Variants in PNOC observed in about 807,000 individuals in gnomAD.
PNOC encodes the protein prepronociceptin, also known as nociceptin.
In PNOC, 10 loss-of-function variants were observed where a neutral mutation model predicts 15.6. That is an observed-to-expected ratio of 0.64 (90% CI 0.40 to 1.09). The LOEUF (loss-of-function observed/expected upper bound fraction) is 1.09, where lower values mean the gene tolerates loss of function less well. PNOC is among the 50% of genes least tolerant of loss of function. The pLI, the probability that PNOC is intolerant of heterozygous loss-of-function variation, is 0.01. For synonymous variants in PNOC, 98 were observed against 88.5 expected (o/e 1.11, Z -0.60); for missense variants, 220 against 223.9 (o/e 0.98, Z 0.11).
intron 2 of PNOC, among the ~76,000 whole-genome samples, chr8:28,332,762 CCAA>C (rs1366577433): frequency 6.6e-6 from 1 of 152,108 alleles, no homozygotes; most frequent in African/African-American, 2.4e-5. Context: ...ACCAGCCTGG[CCAA>C]CAAGGCGAAA....
chr8:28,327,619 T>A (rs1801247060), intron 1 of PNOC, among the ~76,000 whole-genome samples: 1 of 149,600 alleles, frequency 6.7e-6, no homozygotes, highest in Non-Finnish European at 1.5e-5. Context: ...CAAGCTGGAG[T>A]GCAGTGGCGT....
chr8:28,317,395 C>T (rs1337979258), intron 1 of PNOC, 79 bp downstream of exon 1: 2 of 152,352 alleles, frequency 1.3e-5, no homozygotes, highest in African/African-American at 2.4e-5. Context: ...GGCAGGGCCA[C>T]CAGGGGCTGG....
At chr8:28,321,717 A>G (rs143612809) in intron 1 of PNOC, among the ~76,000 whole-genome samples, 1 of 152,326 alleles carries the variant, frequency 6.6e-6, no homozygotes, top group Non-Finnish European at 1.5e-5. Context: ...GAGCCAGACT[A>G]GAAGCCAGGA....
In PNOC at chr8:28,339,183, G is replaced by A. The variant is rs749966480; in HGVS notation, c.270G>A (p.Ser90=). The A allele has an allele frequency of 6.8e-6, 11 of 1,613,444 alleles. No homozygotes were observed. Among genetic ancestry groups the A allele is most frequent in the African/African-American group, 6.7e-5 (5 of 74,904 alleles). The change falls in exon 3 of 4, where the codon TCG becomes TCA. Residue 90 remains serine, a synonymous_variant. Transcript: ENST00000301908. ...VAAALYQPRA[S]EMQHLRRMPR... is the part of the protein sequence containing the mutation. ...CTGCTCTCTACCAGCCGAGAGCTTCGGAGATGCAGCATCTGCGGCGAATGC... is the reference window on the plus strand; with the variant it reads ...CTGCTCTCTACCAGCCGAGAGCTTCAGAGATGCAGCATCTGCGGCGAATGC...
intron 3 of PNOC, among the ~76,000 whole-genome samples, chr8:28,340,398 C>A (rs1463045134): frequency 6.6e-6 from 1 of 152,190 alleles, no homozygotes; most frequent in Non-Finnish European, 1.5e-5. Context: ...ATTGCCTGTT[C>A]ATTCAAAACC....
intron 2 of PNOC, among the ~76,000 whole-genome samples, chr8:28,335,679 C>T (rs565277721): frequency 1.5e-4 from 23 of 152,232 alleles, no homozygotes; most frequent in African/African-American, 5.1e-4. Flanking sequence ...AGGCATGCAC[C>T]ACCACGCCCA....
chr8:28,329,579 T>C (rs925456966), intron 2 of PNOC, among the ~76,000 whole-genome samples: 4 of 152,204 alleles, frequency 2.6e-5, no homozygotes, highest in Non-Finnish European at 4.4e-5. Context: ...CAGAAAAGTA[T>C]AAAACAAGAG....
intron 1 of PNOC, among the ~76,000 whole-genome samples, chr8:28,327,418 C>A (rs1018395453): frequency 6.6e-6 from 1 of 152,216 alleles, no homozygotes; most frequent in Admixed American, 6.5e-5. Flanking sequence ...TTTTAAATAG[C>A]AAGTTCCACA....
At chr8:28,330,396 A>ATTTTATTTTTTTTTTTTTTTTTATTTTT (rs377288105) in intron 2 of PNOC, among the ~76,000 whole-genome samples, 1 of 80,418 alleles carries the variant, frequency 1.2e-5, no homozygotes, top group Non-Finnish European at 2.6e-5. Context: ...ATTTTATTTT[A>ATTTTATTTTTTTTTTTTTTTTTATTTTT]TTTTTTTTTT....
intron 1 of PNOC, among the ~76,000 whole-genome samples, chr8:28,326,190 A>G (rs1801222783): frequency 6.6e-6 from 1 of 151,850 alleles, no homozygotes; most frequent in Non-Finnish European, 1.5e-5. Flanking sequence ...CATTTCTGCT[A>G]AAAATTTAAA....
At chr8:28,333,499 T>C (rs1211449998) in intron 2 of PNOC, among the ~76,000 whole-genome samples, 3 of 152,236 alleles carry the variant, frequency 2.0e-5, no homozygotes, top group Admixed American at 6.5e-5. Flanking sequence ...TAAGCTCCTA[T>C]GCCCATCTGG....
chr8:28,329,441 A>G (rs1227953567), intron 2 of PNOC, among the ~76,000 whole-genome samples, 158 bp downstream of exon 2: 2 of 152,198 alleles, frequency 1.3e-5, no homozygotes, highest in African/African-American at 4.8e-5. Flanking sequence ...ATCAGACAGG[A>G]GCTGCTCTTC....
Position 28,339,495 on chromosome 8 carries a change from A to G in PNOC, c.*47+4A>G. The G allele has an allele frequency of 6.7e-7, 1 of 1,493,164 alleles. No homozygotes were observed. 92.5% of individuals were successfully genotyped at this position (1,493,164 alleles called of 1,614,324 possible). On this transcript the variant is annotated splice_donor_region_variant and intron_variant, in intron 3 of 3. Coordinates refer to ENST00000301908, the MANE Select transcript of PNOC (RefSeq NM_006228.5). ...TACCGGCCACTGCAACCCATGAGTG[A>G]GTTGGGCACCAATAAGCTGGGGGCA...
intron 1 of PNOC, among the ~76,000 whole-genome samples, chr8:28,325,332 C>T (rs2722900): frequency 0.33 from 49,543 of 151,830 alleles, 9,958 homozygotes; most frequent in Non-Finnish European, 0.46. Flanking sequence ...ATATTCTGGG[C>T]AGAGGGAACA....
At chr8:28,338,727 T>G in intron 2 of PNOC, 4 of 1,072,656 alleles carry the variant, frequency 3.7e-6, no homozygotes, top group Non-Finnish European at 4.5e-6. Flanking sequence ...TGTAACAAGG[T>G]GCGGTGTTGG....
chr8:28,330,026 A>G (rs574206402), intron 2 of PNOC, among the ~76,000 whole-genome samples: 6 of 152,186 alleles, frequency 3.9e-5, no homozygotes, highest in African/African-American at 1.4e-4. Context: ...AGTTCACTGC[A>G]ACATCCACCT....
intron 1 of PNOC, among the ~76,000 whole-genome samples, chr8:28,327,686 T>C (rs1563327560): frequency 6.6e-6 from 1 of 151,930 alleles, no homozygotes; most frequent in Non-Finnish European, 1.5e-5. Flanking sequence ...TGGCTAATTT[T>C]TGTATTTTTA....
chr8:28,332,472 A>G (rs532354699), intron 2 of PNOC, among the ~76,000 whole-genome samples: 1 of 152,200 alleles, frequency 6.6e-6, no homozygotes, highest in African/African-American at 2.4e-5. Flanking sequence ...TTGTTGTTAG[A>G]CTATAATTTT....
At chr8:28,318,254 G>A (rs1010926628) in intron 1 of PNOC, among the ~76,000 whole-genome samples, 7 of 152,114 alleles carry the variant, frequency 4.6e-5, no homozygotes, top group African/African-American at 1.7e-4. Flanking sequence ...AGTTCTGGGG[G>A]AATTTCAAGT....
Sources: allele counts gnomAD v4.1 joint callset (sites outside exome capture counted in the v4.1 genomes callset), GRCh38; gene constraint gnomAD v4.1.1; transcripts MANE v1.5; gene names NCBI Gene and HGNC (gene_info 2026-07-23, HGNC 2026-07-21).